DNAH11: variants seen among roughly 807,000 people sequenced by gnomAD.
The protein encoded by DNAH11 is axonemal beta dynein heavy chain 11.
A neutral mutation model predicts 526.0 loss-of-function variants in DNAH11; 442 were observed. The observed-to-expected ratio is 0.84, with a 90% CI of 0.78 to 0.91. DNAH11 has a LOEUF of 0.91. Among genes scored for constraint, DNAH11 ranks in the 40% least tolerant of loss-of-function variants. DNAH11 has a pLI of 0.00. For missense variants in DNAH11, 6,989 were observed against 5,448.7 expected (o/e 1.28, Z -8.90); for synonymous variants, 2,461 against 1,935.9 (o/e 1.27, Z -7.12).
intron 65 of DNAH11, among the ~76,000 whole-genome samples, chr7:21,841,786 G>T (rs895878831): frequency 2.0e-5 from 3 of 152,184 alleles, no homozygotes; most frequent in East Asian, 3.8e-4. Context: ...TTGTAAATTA[G>T]ACGATAATCA....
Position 21,582,025 on chromosome 7 carries a change from A to C in DNAH11, c.1710+4A>C, listed in dbSNP as rs745688450. The C allele has an allele frequency of 6.3e-7, 1 of 1,579,344 alleles. No individual in the cohort carries two copies. Among genetic ancestry groups the C allele is most frequent in the Non-Finnish European group, 8.7e-7 (1 of 1,149,614 alleles). ...TGGCTTAGAAGCTGCATTTAAGGTT[A>C]GTTCTGAAGAAGCTATCATAAAAAA... is the stretch of plus-strand genomic sequence containing the variant. On this transcript the variant is annotated splice_donor_region_variant and intron_variant, in intron 9 of 81. Transcript: ENST00000409508.
rs1401504319 is a variant in DNAH11, at chr7:21,658,895, A to T, written c.5192A>T (p.Glu1731Val). The T allele has an allele frequency of 2.5e-6, 4 of 1,610,024 alleles. No homozygotes were observed. In the East Asian group the frequency reaches 6.7e-5, roughly 27 times the overall value. ...GTGGCCTACGAGGAAAAACCTAGGG[A>T]ACTGTGGATTTTTGATTTCCCAGCT... The part of the protein sequence containing the change: ...AIVAYEEKPR[E>V]LWIFDFPAQV... Residue 1731 changes from glutamate (E) to valine (V), a missense_variant, in exon 30 of 82, where the codon GAA becomes GTA. By Grantham distance (121) the Glu-to-Val change is moderately radical. Transcript: ENST00000409508.
rs758412964 is a variant in DNAH11 at position 21,571,793 on chromosome 7, G to GT, written c.1426-7dup. Reference sequence around the variant, plus strand: ...AATGTAGTGGAAAGGTCTTTACTGTGTTTTTTACAAAGGATATATTTGCCA... The same window carrying GT: ...AATGTAGTGGAAAGGTCTTTACTGTGTTTTTTTACAAAGGATATATTTGCCA... On this transcript the variant is annotated splice_polypyrimidine_tract_variant and intron_variant, in intron 7 of 81. Coordinates refer to ENST00000409508, the MANE Select transcript of DNAH11 (RefSeq NM_001277115.2). The GT allele has an allele frequency of 5.6e-6, 9 of 1,599,068 alleles. No homozygotes were observed. The highest frequency in any genetic ancestry group is 5.4e-5 in the African/African-American group (4 of 74,148).
chr7:21,756,325 A>G (rs1462926034), intron 54 of DNAH11, among the ~76,000 whole-genome samples: 1 of 152,106 alleles, frequency 6.6e-6, no homozygotes, highest in Non-Finnish European at 1.5e-5. Flanking sequence ...CATATATTAA[A>G]TGCCTAAATA....
chr7:21,758,819 T>C (rs1287719803), intron 54 of DNAH11, among the ~76,000 whole-genome samples: 1 of 152,240 alleles, frequency 6.6e-6, no homozygotes. Flanking sequence ...TTTTCTCATT[T>C]TGCTAGCATT....
intron 56 of DNAH11, among the ~76,000 whole-genome samples, chr7:21,775,620 A>AG: frequency 6.6e-6 from 1 of 151,678 alleles, no homozygotes; most frequent in Non-Finnish European, 1.5e-5. Context: ...TGTCTCAAAA[A>AG]AAAAAAACAA....
intron 56 of DNAH11, among the ~76,000 whole-genome samples, chr7:21,775,656 T>A (rs1440578218): frequency 2.0e-5 from 3 of 151,986 alleles, no homozygotes; most frequent in Non-Finnish European, 4.4e-5. Context: ...CTCTTTTTAT[T>A]CACAGCTTAT....
chr7:21,659,585 T>C (rs1782158143), intron 30 of DNAH11, among the ~76,000 whole-genome samples: 1 of 152,092 alleles, frequency 6.6e-6, no homozygotes, highest in South Asian at 2.1e-4. Context: ...TTTGGTCTTA[T>C]AGAATCAGAG....
intron 28 of DNAH11, among the ~76,000 whole-genome samples, chr7:21,645,150 C>T (rs940434): frequency 0.69 from 104,539 of 152,034 alleles, 36,040 homozygotes; most frequent in Admixed American, 0.77. Flanking sequence ...TTAAATGTTA[C>T]AAATGTGGGG....
intron 25 of DNAH11, among the ~76,000 whole-genome samples, chr7:21,625,657 A>G (rs1562710396): frequency 6.6e-6 from 1 of 151,796 alleles, no homozygotes; most frequent in Non-Finnish European, 1.5e-5. Flanking sequence ...CCCTCTTAGA[A>G]CTGGTTTTGC....
Position 21,677,026 on chromosome 7 carries a change from G to A in DNAH11, c.5329-4520G>A, listed in dbSNP as rs140879993. Among the ~76,000 whole-genome samples, 484 of 152,284 alleles carry A rather than the reference G, an allele frequency of 3.2e-3. 14 individuals carry two copies. The highest frequency in any genetic ancestry group is 0.026 in the Admixed American group (405 of 15,304). On this transcript the variant is annotated intron_variant, in intron 30 of 81. Transcript: ENST00000409508. Reference sequence around the variant, plus strand: ...GGCATCGAATAAGATGGATGCTGTCGTTGCCTTTGTGGAACATAAAATCTA... The same window carrying A: ...GGCATCGAATAAGATGGATGCTGTCATTGCCTTTGTGGAACATAAAATCTA...
At chr7:21,646,388 C>T (rs1040912079) in intron 28 of DNAH11, among the ~76,000 whole-genome samples, 1 of 152,176 alleles carries the variant, frequency 6.6e-6, no homozygotes, top group East Asian at 1.9e-4. Context: ...GGATTCATCA[C>T]AGGTGAGGAA....
intron 28 of DNAH11, among the ~76,000 whole-genome samples, chr7:21,643,430 A>G (rs1787210187): frequency 6.6e-6 from 1 of 152,114 alleles, no homozygotes; most frequent in Non-Finnish European, 1.5e-5. Flanking sequence ...ACTTCTCCAT[A>G]AAGGTTAGGT....
chr7:21,822,226 C>T (rs1790084758), intron 65 of DNAH11, among the ~76,000 whole-genome samples: 1 of 152,042 alleles, frequency 6.6e-6, no homozygotes, highest in African/African-American at 2.4e-5. Flanking sequence ...AGCACAGTGC[C>T]AGCATCTGCT....
At chr7:21,596,119 A>G (rs1399516316) in intron 14 of DNAH11, among the ~76,000 whole-genome samples, 1 of 152,218 alleles carries the variant, frequency 6.6e-6, no homozygotes, top group Admixed American at 6.5e-5. Context: ...AATTTCTAAG[A>G]AAGTTTTAAT....
At chr7:21,842,513 C>G (rs757133848) in intron 65 of DNAH11, 31 bp from the exon 66 acceptor site, 1 of 1,580,018 alleles carries the variant, frequency 6.3e-7, no homozygotes, top group Admixed American at 1.7e-5. Context: ...TCATAGGAGT[C>G]TCCTGAAAGT....
At chr7:21,731,397 C>T (rs1378677573) in intron 45 of DNAH11, among the ~76,000 whole-genome samples, 2 of 151,404 alleles carry the variant, frequency 1.3e-5, no homozygotes, top group East Asian at 1.9e-4. Flanking sequence ...CTGACAACAA[C>T]CAAAAAAAGG....
At chr7:21,609,751 TAG>T (rs1357760121) in intron 20 of DNAH11, among the ~76,000 whole-genome samples, 2 of 151,902 alleles carry the variant, frequency 1.3e-5, no homozygotes, top group African/African-American at 4.8e-5. Flanking sequence ...CAAGAAAAAA[TAG>T]AGGCAAATGC....
chr7:21,717,739 A>G, intron 42 of DNAH11, 36 bp from the exon 43 acceptor site: 1 of 1,611,806 alleles, frequency 6.2e-7, no homozygotes, highest in African/African-American at 1.3e-5. Flanking sequence ...TTTCAAGCCT[A>G]GTGTTCAATA....
Sources: allele counts gnomAD v4.1 joint callset (sites outside exome capture counted in the v4.1 genomes callset), GRCh38; gene constraint gnomAD v4.1.1; transcripts MANE v1.5; gene names NCBI Gene and HGNC (gene_info 2026-07-23, HGNC 2026-07-21).